The following OSBPL10 variants were observed in gnomAD, a reference collection of about 807,000 sequenced individuals.
The protein encoded by OSBPL10 is oxysterol-binding protein-related protein 10.
In OSBPL10, 49 loss-of-function variants were observed where a neutral mutation model predicts 81.7. The observed-to-expected ratio is 0.60, with a 90% CI of 0.48 to 0.76. The LOEUF is 0.76. Ranked by LOEUF, OSBPL10 falls within the 30% of genes least tolerant of loss-of-function variation. The probability of loss-of-function intolerance (pLI) is 0.00; values close to 1 mark genes in which losing one functional copy is unlikely to be tolerated. For missense variants in OSBPL10, 923 were observed against 987.8 expected, an observed-to-expected ratio of 0.93 and a Z score of 0.88; for synonymous variants, 419 against 383.6, an observed-to-expected ratio of 1.09 and a Z score of -1.08.
intron 2 of OSBPL10, among the ~76,000 whole-genome samples, chr3:32,014,657 T>A (rs560987292): frequency 2.9e-4 from 44 of 152,284 alleles, no homozygotes; most frequent in Middle Eastern, 3.4e-3. Flanking sequence ...AGTCAAATTG[T>A]CCCTGTTTGC....
intron 1 of OSBPL10, among the ~76,000 whole-genome samples, chr3:31,918,557 G>C (rs547108071): frequency 6.6e-6 from 1 of 152,034 alleles, no homozygotes; most frequent in African/African-American, 2.4e-5. Context: ...ATAGTAAGGC[G>C]GTCATCACTG....
chr3:31,895,427 G>C (rs373734310), intron 1 of OSBPL10, among the ~76,000 whole-genome samples: 2 of 151,688 alleles, frequency 1.3e-5, no homozygotes, highest in African/African-American at 4.8e-5. Context: ...ATGAGCCACC[G>C]CACCCAGCCC....
At chr3:31,989,044 A>T (rs775405001) in intron 2 of OSBPL10, 2 of 1,610,480 alleles carry the variant, frequency 1.2e-6, no homozygotes, top group Non-Finnish European at 1.7e-6. Context: ...GCCTCAGTGA[A>T]GGTCACACTG....
intron 2 of OSBPL10, among the ~76,000 whole-genome samples, chr3:32,045,586 A>G (rs1465844134): frequency 6.6e-6 from 1 of 152,214 alleles, no homozygotes; most frequent in Non-Finnish European, 1.5e-5. Flanking sequence ...TGACAGCTCT[A>G]GCCTGTAGTC....
At chr3:31,770,694 G>A (rs1392054859) in intron 4 of OSBPL10, among the ~76,000 whole-genome samples, 4 of 152,172 alleles carry the variant, frequency 2.6e-5, no homozygotes, top group African/African-American at 4.8e-5. Context: ...GCTGAGGCAG[G>A]AGAATCGCTT....
intron 4 of OSBPL10, chr3:31,822,252 A>G (rs1445895067): frequency 6.6e-6 from 1 of 152,234 alleles, no homozygotes; most frequent in Non-Finnish European, 1.5e-5. Flanking sequence ...ACCTGGAAGC[A>G]AAAGTCAACA....
At chr3:32,023,889 A>T (rs1699379731) in intron 2 of OSBPL10, among the ~76,000 whole-genome samples, 1 of 152,162 alleles carries the variant, frequency 6.6e-6, no homozygotes, top group South Asian at 2.1e-4. Flanking sequence ...ACAGTAAGAG[A>T]CTAACAACAA....
intron 4 of OSBPL10, among the ~76,000 whole-genome samples, chr3:31,761,476 A>T (rs974677767): frequency 6.6e-6 from 1 of 150,548 alleles, no homozygotes; most frequent in Non-Finnish European, 1.5e-5. Flanking sequence ...CATTTCAAAA[A>T]AAAAAAAAAA....
At chr3:32,045,761 C>T (rs1345703126) in intron 2 of OSBPL10, 1 of 152,160 alleles carries the variant, frequency 6.6e-6, no homozygotes, top group Non-Finnish European at 1.5e-5. Context: ...GACTCAGCAG[C>T]ATTAAACAAA....
At chr3:31,950,866 T>C (rs938467077) in intron 1 of OSBPL10, among the ~76,000 whole-genome samples, 1 of 152,186 alleles carries the variant, frequency 6.6e-6, no homozygotes, top group African/African-American at 2.4e-5. Context: ...TCCCTCCACT[T>C]TCCATCTTGA....
rs180857901 is a variant in OSBPL10 at position 31,783,273 on chromosome 3, A to G, written c.730-35153T>C. 2.2e-3 allele frequency among the ~76,000 whole-genome samples: 334 copies of G among 151,884 alleles called. 2 individuals are homozygous for G. The highest frequency in any genetic ancestry group is 7.5e-3 in the African/African-American group (312 of 41,386). On this transcript the variant is annotated intron_variant, in intron 4 of 11. Coordinates refer to ENST00000396556, the MANE Select transcript of OSBPL10 (RefSeq NM_017784.5). The stretch of plus-strand genomic sequence containing the variant: ...ACTCAGGAATGGAAAACCAAACATC[A>G]TATGTTCTGATTTATCAATGAGAGC...
chr3:32,062,185 G>A (rs1699756447), intron 1 of OSBPL10, among the ~76,000 whole-genome samples: 1 of 92,998 alleles, frequency 1.1e-5, no homozygotes, highest in Admixed American at 1.3e-4. Flanking sequence ...TCGGCTCACT[G>A]CAACCTCCAC....
intron 4 of OSBPL10, among the ~76,000 whole-genome samples, chr3:31,783,135 ATATATATATATAC>A (rs1395334875): frequency 7.2e-6 from 1 of 139,422 alleles, no homozygotes; most frequent in Non-Finnish European, 1.5e-5. Context: ...ATATATATAT[ATATATATATATAC>A]ACACACACCA....
At chr3:31,833,707 A>ACACG (rs1480541095) in intron 3 of OSBPL10, among the ~76,000 whole-genome samples, 5 of 80,094 alleles carry the variant, frequency 6.2e-5, no homozygotes, top group African/African-American at 4.0e-4. Context: ...ACGCACACGC[A>ACACG]CACACACACA....
At chr3:31,915,812 G>A (rs1696740640) in intron 1 of OSBPL10, among the ~76,000 whole-genome samples, 1 of 152,088 alleles carries the variant, frequency 6.6e-6, no homozygotes, top group Non-Finnish European at 1.5e-5. Context: ...GAGAAATCCA[G>A]GCCGGGAGTG....
At chr3:32,031,163 C>CA (rs1246513554) in intron 2 of OSBPL10, among the ~76,000 whole-genome samples, 42 of 131,562 alleles carry the variant, frequency 3.2e-4, no homozygotes, top group Admixed American at 1.3e-3. Context: ...GACTCCATCT[C>CA]AAAAAAAAAA....
At chr3:31,938,182 G>A (rs775306565) in intron 1 of OSBPL10, among the ~76,000 whole-genome samples, 2 of 151,952 alleles carry the variant, frequency 1.3e-5, no homozygotes, top group Non-Finnish European at 2.9e-5. Flanking sequence ...CAATTTGCTA[G>A]CACCTCTATT....
chr3:31,734,016 G>GA lies in OSBPL10; in HGVS notation c.941-606dup, dbSNP rs34907375. 2.2e-3 allele frequency among the ~76,000 whole-genome samples: 323 copies of GA among 148,678 alleles called. 1 individual carries two copies. The highest frequency in any genetic ancestry group is 7.7e-3 in the African/African-American group (310 of 40,506). On this transcript the variant is annotated intron_variant, in intron 5 of 11. Transcript: ENST00000396556. ...CAGAGCAAGACTCTGTCTCAAAAAA[G>GA]AAAAAAAAAATTCTAAATATTCACA...
chr3:31,915,220 T>C (rs1696720745), intron 1 of OSBPL10, among the ~76,000 whole-genome samples: 1 of 152,032 alleles, frequency 6.6e-6, no homozygotes, highest in Non-Finnish European at 1.5e-5. Flanking sequence ...ACCATTACCA[T>C]GAATAAAATT....
Sources: gnomAD v4.1 joint callset for allele counts (sites outside exome capture counted in the v4.1 genomes callset) on GRCh38, gnomAD v4.1.1 for gene constraint, MANE v1.5 for transcripts, NCBI Gene and HGNC (gene_info 2026-07-23, HGNC 2026-07-21) for gene names.